Variants in ZNF423 observed in about 807,000 individuals in gnomAD.
The protein encoded by ZNF423 is Ebf-associated zinc finger protein.
A neutral mutation model predicts 95.8 loss-of-function variants in ZNF423; 12 were observed. The ratio of observed to expected loss-of-function variants is 0.13; its 90% CI spans 0.08 to 0.20. ZNF423 has a LOEUF of 0.20. Among genes scored for constraint, ZNF423 ranks in the 10% least tolerant of loss-of-function variants. ZNF423 has a pLI of 1.00. For missense variants in ZNF423, 1,316 were observed against 1,737.1 expected (o/e 0.76, Z 4.31); for synonymous variants, 749 against 711.9 (o/e 1.05, Z -0.83).
At chr16:49,766,477 C>T (rs1316213097) in intron 2 of ZNF423, among the ~76,000 whole-genome samples, 4 of 152,326 alleles carry the variant, frequency 2.6e-5, no homozygotes, top group African/African-American at 9.6e-5. Flanking sequence ...CACTGAGAGA[C>T]CCTCCTTCAG....
At chr16:49,588,580 T>C (rs1371391818) in intron 5 of ZNF423, among the ~76,000 whole-genome samples, 1 of 152,196 alleles carries the variant, frequency 6.6e-6, no homozygotes, top group African/African-American at 2.4e-5. Context: ...TTCTAAACCT[T>C]TTCTGACTAT....
intron 2 of ZNF423, among the ~76,000 whole-genome samples, chr16:49,751,084 G>A (rs981819138): frequency 6.6e-6 from 1 of 152,160 alleles, no homozygotes. Flanking sequence ...AAGCGGCCCA[G>A]AGTCCAGTGC....
intron 1 of ZNF423, among the ~76,000 whole-genome samples, chr16:49,813,768 G>A (rs1021369576): frequency 6.6e-6 from 1 of 152,208 alleles, no homozygotes; most frequent in Non-Finnish European, 1.5e-5. Context: ...GAACCCTGCT[G>A]GACAGGAAAC....
intron 1 of ZNF423, among the ~76,000 whole-genome samples, chr16:49,797,885 CA>C (rs1333963892): frequency 6.6e-6 from 1 of 151,808 alleles, no homozygotes; most frequent in African/African-American, 2.4e-5. Flanking sequence ...GGCATCTCAC[CA>C]AAAGGAGGCT....
chr16:49,804,891 C>CTTT (rs754687457), intron 1 of ZNF423, among the ~76,000 whole-genome samples: 125 of 95,928 alleles, frequency 1.3e-3, no homozygotes, highest in South Asian at 1.7e-3. Context: ...GATCCCACAG[C>CTTT]TTTTTTTTTT....
At chr16:49,799,698 T>C (rs764701508) in intron 1 of ZNF423, among the ~76,000 whole-genome samples, 2 of 152,232 alleles carry the variant, frequency 1.3e-5, no homozygotes, top group Non-Finnish European at 2.9e-5. Context: ...ACTCCTCTCC[T>C]CCATCTTTCC....
At chr16:49,532,860 T>A (rs1401885104) in intron 5 of ZNF423, among the ~76,000 whole-genome samples, 2 of 152,180 alleles carry the variant, frequency 1.3e-5, no homozygotes, top group African/African-American at 4.8e-5. Flanking sequence ...AACGTCCCCC[T>A]TCCACAATGC....
chr16:49,543,820 C>T (rs1001094323), intron 5 of ZNF423, among the ~76,000 whole-genome samples: 6 of 151,920 alleles, frequency 3.9e-5, no homozygotes, highest in South Asian at 2.2e-4. Context: ...CATATGACCC[C>T]GGTCACAGCG....
rs1452755998 is a variant in ZNF423 at position 49,636,859 on chromosome 16, G to T, written c.2317C>A (p.Leu773Met). 6.2e-7 allele frequency: 1 copy of T among 1,614,072 alleles called. No individual in the cohort carries two copies. Among genetic ancestry groups the T allele is most frequent in the Admixed American group, 1.7e-5 (1 of 60,030 alleles). The change falls in exon 4 of 8, where the codon CTG (leucine) becomes ATG (methionine). Residue 773 changes from leucine to methionine, a missense_variant. By Grantham distance (15) the Leu-to-Met change is conservative (BLOSUM62 2). Coordinates refer to ENST00000563137, the MANE Select transcript of ZNF423 (RefSeq NM_001379286.1). This position sits in a 1 kb window ranked among gnomAD's most constrained non-coding sequence, Gnocchi z 8.6. ...CNWDFRKEAD[L>M]QVHVKHSHLG... ...TGGCTGTGTTTGACGTGCACCTGCA[G>T]GTCAGCCTCCTTGCGGAAGTCCCAG...
In ZNF423 at chr16:49,703,446, C is replaced by T. The variant is rs544858470; in HGVS notation, c.301+27325G>A. Among the ~76,000 whole-genome samples the T allele has an allele frequency of 1.7e-3, 266 of 152,342 alleles. 1 individual carries two copies. The highest frequency in any genetic ancestry group is 6.2e-3 in the African/African-American group (257 of 41,588). ...CACCCAGCCCTACATTTTTCAGGGA[C>T]TTTACCTGCAGGCTGGAAATTTACT... is the stretch of plus-strand genomic sequence containing the variant. On this transcript the variant is annotated intron_variant, in intron 3 of 7. Coordinates refer to ENST00000563137, the MANE Select transcript of ZNF423 (RefSeq NM_001379286.1).
rs117266679 is a variant in ZNF423 at position 49,638,864 on chromosome 16, G to A, written c.312C>T (p.Asp104=). ...RAHRCPGDGD[D]DPQLSWVASS... is the part of the protein sequence containing the mutation. Reference sequence around the variant, plus strand: ...AGGCCACCCAGGAGAGTTGTGGGTCGTCATCACCATCTGCAAGAGAAGGCA... The same window carrying A: ...AGGCCACCCAGGAGAGTTGTGGGTCATCATCACCATCTGCAAGAGAAGGCA... Residue 104 remains aspartate (D), a synonymous_variant, in exon 4 of 8, where the codon GAC becomes GAT. Transcript: ENST00000563137. The surrounding 1 kb of genome is among the most constrained non-coding windows in gnomAD (Gnocchi z 5.6). The A allele has an allele frequency of 2.4e-3, 3,869 of 1,604,076 alleles. 22 individuals are homozygous for A. Among genetic ancestry groups the A allele is most frequent in the East Asian group, 0.015 (683 of 44,732 alleles).
intron 2 of ZNF423, among the ~76,000 whole-genome samples, chr16:49,767,841 C>A (rs764987771): frequency 6.6e-6 from 1 of 152,146 alleles, no homozygotes; most frequent in African/African-American, 2.4e-5. Flanking sequence ...GACACTTGGG[C>A]CTTTGTATTT....
chr16:49,817,209 C>T (rs1346187164), intron 1 of ZNF423, among the ~76,000 whole-genome samples: 1 of 152,164 alleles, frequency 6.6e-6, no homozygotes, highest in African/African-American at 2.4e-5. Flanking sequence ...AGAGGGAGGG[C>T]CTTGCACGGA....
intron 1 of ZNF423, among the ~76,000 whole-genome samples, chr16:49,832,865 A>T (rs1259915024): frequency 6.6e-6 from 1 of 152,230 alleles, no homozygotes; most frequent in African/African-American, 2.4e-5. Flanking sequence ...TTGAAGTCCC[A>T]GATCTACCCA....
chr16:49,601,191 G>T (rs1042494630), intron 5 of ZNF423, among the ~76,000 whole-genome samples: 1 of 152,102 alleles, frequency 6.6e-6, no homozygotes, highest in East Asian at 1.9e-4. Flanking sequence ...CTCCAAATTG[G>T]GGACAATGTG....
intron 5 of ZNF423, among the ~76,000 whole-genome samples, chr16:49,561,968 C>T (rs772695516): frequency 6.6e-6 from 1 of 152,146 alleles, no homozygotes; most frequent in East Asian, 1.9e-4. Flanking sequence ...TTACAATAAC[C>T]AGTTTATCAG....
At chr16:49,654,552 G>A (rs1973536064) in intron 3 of ZNF423, among the ~76,000 whole-genome samples, 1 of 152,238 alleles carries the variant, frequency 6.6e-6, no homozygotes, top group African/African-American at 2.4e-5. Context: ...GGCTGGGAAT[G>A]GAAATGCACA....
At chr16:49,594,487 G>A (rs1441194078) in intron 5 of ZNF423, among the ~76,000 whole-genome samples, 1 of 152,012 alleles carries the variant, frequency 6.6e-6, no homozygotes, top group African/African-American at 2.4e-5. Flanking sequence ...CAGAAGAGGG[G>A]TTCACTGTCA....
At chr16:49,856,467 C>T (rs2035371855), upstream of ZNF423, among the ~76,000 whole-genome samples, 1 of 147,578 alleles carries the variant, frequency 6.8e-6, no homozygotes, top group South Asian at 2.1e-4. Context: ...TCCCCTGCCG[C>T]ACAAAAAAAA....
Sources: allele counts gnomAD v4.1 joint callset (sites outside exome capture counted in the v4.1 genomes callset), GRCh38; gene constraint gnomAD v4.1.1; non-coding constraint Gnocchi (gnomAD v3.1); transcripts MANE v1.5; gene names NCBI Gene and HGNC (gene_info 2026-07-23, HGNC 2026-07-21).